RNF216: variants seen among roughly 807,000 people sequenced by gnomAD.
RNF216 encodes the protein E3 ubiquitin-protein ligase RNF216.
RNF216 carries 72 observed loss-of-function variants against 110.8 expected under a neutral mutation model. The ratio of observed to expected loss-of-function variants is 0.65; its 90% CI spans 0.54 to 0.79. The LOEUF (loss-of-function observed/expected upper bound fraction) is 0.79, where lower values mean the gene tolerates loss of function less well. Among genes scored for constraint, RNF216 ranks in the 30% least tolerant of loss-of-function variants. The pLI is 0.00. For missense variants in RNF216, 1,342 were observed against 1,141.2 expected (o/e 1.18, Z -2.54); for synonymous variants, 495 against 407.5 (o/e 1.21, Z -2.59).
chr7:5,713,789 C>T (rs1048302349), intron 11 of RNF216, among the ~76,000 whole-genome samples: 1 of 152,152 alleles, frequency 6.6e-6, no homozygotes, highest in African/African-American at 2.4e-5. Context: ...ATTTATGAGG[C>T]ATTTACCATG....
rs1428593963 is a variant in RNF216 at position 5,743,197 on chromosome 7, G to C, written c.202-1382C>G. Among the ~76,000 whole-genome samples, 3 of 152,062 alleles carry C rather than the reference G, an allele frequency of 2.0e-5. No individual in the cohort carries two copies. In the East Asian group the frequency reaches 5.8e-4, roughly 29 times the overall value. Reference sequence around the variant, plus strand: ...AATTGCTTGAACCAGGGAGTCAAGAGGTTGCAGTGAGCCAAGATGGTACCA... The same window carrying C: ...AATTGCTTGAACCAGGGAGTCAAGACGTTGCAGTGAGCCAAGATGGTACCA... On this transcript the variant is annotated intron_variant, in intron 3 of 16. Transcript: ENST00000389902.
chr7:5,773,392 G>A (rs1316159956), intron 1 of RNF216, among the ~76,000 whole-genome samples: 1 of 150,676 alleles, frequency 6.6e-6, no homozygotes, highest in Admixed American at 6.6e-5. Context: ...AAGGGTGCCC[G>A]CCACCAAACA....
Position 5,770,507 on chromosome 7 carries a change from T to C in RNF216, c.-69-9369A>G, listed in dbSNP as rs1174378456. Among the ~76,000 whole-genome samples, 12 of 151,154 alleles carry C rather than the reference T, an allele frequency of 7.9e-5. 1 individual carries two copies. The highest frequency in any genetic ancestry group is 7.9e-4 in the Admixed American group (12 of 15,130). The stretch of plus-strand genomic sequence containing the variant: ...TGGGAGAAATTAAATATCAAATAAA[T>C]GTAGAGACATACCATATTCACGGGT... On this transcript the variant is annotated intron_variant, in intron 1 of 16. Coordinates refer to ENST00000389902, the MANE Select transcript of RNF216 (RefSeq NM_207111.4).
chr7:5,736,030 C>A (rs1160871733), intron 5 of RNF216, among the ~76,000 whole-genome samples: 1 of 152,178 alleles, frequency 6.6e-6, no homozygotes, highest in Admixed American at 6.5e-5. Flanking sequence ...GAGATGGAGG[C>A]TGCAGTGAGC....
chr7:5,689,360 A>AT (rs1168066228), intron 13 of RNF216, among the ~76,000 whole-genome samples: 21 of 135,526 alleles, frequency 1.5e-4, no homozygotes, highest in Non-Finnish European at 2.5e-4. Context: ...TATTTGTAGT[A>AT]TTAAAAAAAA....
At chr7:5,724,856 A>G (rs1793652561) in intron 8 of RNF216, among the ~76,000 whole-genome samples, 1 of 152,210 alleles carries the variant, frequency 6.6e-6, no homozygotes, top group Non-Finnish European at 1.5e-5. Context: ...TAACCTCTTC[A>G]AAAGGGTTTT....
intron 2 of RNF216, among the ~76,000 whole-genome samples, chr7:5,758,064 G>A (rs1040996716): frequency 2.0e-5 from 3 of 152,172 alleles, no homozygotes; most frequent in Non-Finnish European, 2.9e-5. Flanking sequence ...TTCTCATGAT[G>A]GGTGCAGAGT....
intron 1 of RNF216, among the ~76,000 whole-genome samples, chr7:5,770,378 T>C (rs1796433551): frequency 1.3e-5 from 2 of 151,836 alleles, no homozygotes; most frequent in South Asian, 4.1e-4. Flanking sequence ...GGAGAATCAC[T>C]TGAACCTGGG....
At chr7:5,738,732 A>T (rs967135678) in intron 5 of RNF216, among the ~76,000 whole-genome samples, 10 of 119,990 alleles carry the variant, frequency 8.3e-5, no homozygotes, top group Admixed American at 1.7e-4. Flanking sequence ...AAAAAAAAAA[A>T]TGCTTCCATG....
At chr7:5,774,094 T>C (rs1562483407) in intron 1 of RNF216, among the ~76,000 whole-genome samples, 1 of 152,248 alleles carries the variant, frequency 6.6e-6, no homozygotes, top group Admixed American at 6.5e-5. Context: ...TACTCTTAAC[T>C]AAATGTAAGT....
At chr7:5,731,939 G>T (rs1407270296) in intron 5 of RNF216, among the ~76,000 whole-genome samples, 1 of 152,080 alleles carries the variant, frequency 6.6e-6, no homozygotes, top group African/African-American at 2.4e-5. Flanking sequence ...CCCCGCCGGG[G>T]ACCCACGTCA....
At chr7:5,692,523 T>A (rs1409053670) in intron 13 of RNF216, among the ~76,000 whole-genome samples, 1 of 152,196 alleles carries the variant, frequency 6.6e-6, no homozygotes, top group Non-Finnish European at 1.5e-5. Context: ...GGTTTCTCAC[T>A]GGCTGTATCC....
intron 15 of RNF216, among the ~76,000 whole-genome samples, chr7:5,630,626 C>G (rs1290271864): frequency 6.6e-6 from 1 of 152,156 alleles, no homozygotes; most frequent in Non-Finnish European, 1.5e-5. Context: ...CTCCTGGCCT[C>G]AAGCCATCCT....
chr7:5,718,557 T>A (rs1793210727), intron 9 of RNF216, among the ~76,000 whole-genome samples: 2 of 151,986 alleles, frequency 1.3e-5, no homozygotes, highest in Non-Finnish European at 2.9e-5. Context: ...ACCCTTTTTT[T>A]TTTTTTTGAA....
chr7:5,740,853 T>C (rs1381741329), intron 4 of RNF216, 120 bp downstream of exon 4: 2 of 886,098 alleles, frequency 2.3e-6, no homozygotes, highest in East Asian at 2.6e-5. Context: ...TCTAGATATA[T>C]ACTTCTTAGG....
At chr7:5,713,053 A>G (rs578132752) in intron 11 of RNF216, among the ~76,000 whole-genome samples, 190 bp from the exon 12 acceptor site, 11 of 152,350 alleles carry the variant, frequency 7.2e-5, no homozygotes, top group African/African-American at 2.4e-4. Context: ...TGATATCACT[A>G]AAGGACCTCT....
chr7:5,770,859 G>A (rs1796458013), intron 1 of RNF216, among the ~76,000 whole-genome samples: 1 of 151,644 alleles, frequency 6.6e-6, no homozygotes, highest in Non-Finnish European at 1.5e-5. Flanking sequence ...CCAGGCCGGA[G>A]TGCAGTGGTG....
chr7:5,679,428 C>CG (rs1419163352), intron 13 of RNF216, among the ~76,000 whole-genome samples: 3 of 152,190 alleles, frequency 2.0e-5, no homozygotes, highest in Admixed American at 1.3e-4. Context: ...AGGATGCAGG[C>CG]GCTGAGCGCA....
At chr7:5,768,956 C>T (rs747491123) in intron 1 of RNF216, among the ~76,000 whole-genome samples, 7 of 151,878 alleles carry the variant, frequency 4.6e-5, no homozygotes, top group South Asian at 4.1e-4. Flanking sequence ...CCACTGTGCC[C>T]GGCCAAAGCA....
Sources: gnomAD v4.1 joint callset for allele counts (sites outside exome capture counted in the v4.1 genomes callset) on GRCh38, gnomAD v4.1.1 for gene constraint, MANE v1.5 for transcripts, NCBI Gene and HGNC (gene_info 2026-07-23, HGNC 2026-07-21) for gene names.